Variants in NALF1 observed in about 807,000 individuals in gnomAD.
NALF1 encodes NALCN channel auxiliary factor 1, also known as family with sequence similarity 155 member A.
Under a neutral mutation model 48.4 loss-of-function variants are expected in NALF1, and 3 were observed. The ratio of observed to expected loss-of-function variants is 0.06; its 90% confidence interval spans 0.03 to 0.16. NALF1 has a LOEUF of 0.16. Ranked by LOEUF, NALF1 falls within the 10% of genes least tolerant of loss-of-function variation. The probability of loss-of-function intolerance (pLI) is 1.00; values close to 1 mark genes in which losing one functional copy is unlikely to be tolerated. For synonymous variants in NALF1, 262 were observed against 245.7 expected (o/e 1.07, Z -0.62); for missense variants, 526 against 571.5 (o/e 0.92, Z 0.81).
At chr13:107,586,516 A>G (rs1878461044) in intron 1 of NALF1, among the ~76,000 whole-genome samples, 1 of 147,134 alleles carries the variant, frequency 6.8e-6, no homozygotes, top group Admixed American at 6.8e-5. Context: ...CTATTTAAAT[A>G]AATCATTGTA....
intron 1 of NALF1, among the ~76,000 whole-genome samples, chr13:107,730,506 C>T (rs901611735): frequency 8.5e-5 from 13 of 152,258 alleles, no homozygotes; most frequent in Admixed American, 3.9e-4. Context: ...CTGTGTTCAT[C>T]GATTTAATTT....
intron 1 of NALF1, among the ~76,000 whole-genome samples, chr13:107,702,690 C>T (rs1169294403): frequency 6.6e-6 from 1 of 152,124 alleles, no homozygotes; most frequent in Non-Finnish European, 1.5e-5. Context: ...TGATGCTCTC[C>T]CTCCTCCCAT....
intron 1 of NALF1, among the ~76,000 whole-genome samples, chr13:107,818,826 C>T (rs530317376): frequency 3.1e-5 from 4 of 129,036 alleles, no homozygotes; most frequent in Admixed American, 8.1e-5. Context: ...GAGCCGAGAT[C>T]GCGCCACTGC....
intron 1 of NALF1, among the ~76,000 whole-genome samples, chr13:107,730,985 C>T (rs552641093): frequency 2.0e-5 from 3 of 152,242 alleles, no homozygotes; most frequent in Admixed American, 6.5e-5. Flanking sequence ...CTGGGTGCTA[C>T]GGGAATGTCG....
intron 1 of NALF1, among the ~76,000 whole-genome samples, chr13:107,405,781 C>T (rs1883888377): frequency 6.6e-6 from 1 of 151,860 alleles, no homozygotes; most frequent in African/African-American, 2.4e-5. Flanking sequence ...AAAAAAACTA[C>T]AGAATGGAGG....
In NALF1 at chr13:107,488,413, C is replaced by G. The variant is rs1478379166; in HGVS notation, c.916-277658G>C. On this transcript the variant is annotated intron_variant, in intron 1 of 2. Coordinates refer to ENST00000375915, the MANE Select transcript of NALF1 (RefSeq NM_001080396.3). ...TAACTTTTTGATGTGGGCATTAATG[C>G]TATACATCTCCCCCTTAATACTGTC... Among the ~76,000 whole-genome samples the G allele has an allele frequency of 2.0e-5, 3 of 152,024 alleles. No individual in the cohort carries two copies. In the East Asian group the frequency reaches 5.8e-4, roughly 30 times the overall value.
At chr13:107,298,344 T>C (rs1881764904) in intron 1 of NALF1, among the ~76,000 whole-genome samples, 1 of 56,334 alleles carries the variant, frequency 1.8e-5, no homozygotes, top group African/African-American at 8.2e-5. Flanking sequence ...AGAGAGAGAC[T>C]CCATCTCAAA....
At chr13:107,640,853 G>T (rs1311548290) in intron 1 of NALF1, among the ~76,000 whole-genome samples, 2 of 152,110 alleles carry the variant, frequency 1.3e-5, no homozygotes, top group East Asian at 3.9e-4. Context: ...CCAGTATGAG[G>T]CCCTATGGCA....
intron 1 of NALF1, among the ~76,000 whole-genome samples, chr13:107,753,541 C>T (rs1470509756): frequency 6.7e-6 from 1 of 149,520 alleles, no homozygotes; most frequent in African/African-American, 2.5e-5. Context: ...AAATACAAAG[C>T]GATGTTTGCA....
chr13:107,479,383 C>T (rs547296570), intron 1 of NALF1, among the ~76,000 whole-genome samples: 2 of 151,982 alleles, frequency 1.3e-5, no homozygotes, highest in South Asian at 2.1e-4. Context: ...GTTAAAAATG[C>T]CAATCTTATA....
chr13:107,469,706 C>T (rs1173876336), intron 1 of NALF1, among the ~76,000 whole-genome samples: 4 of 147,628 alleles, frequency 2.7e-5, no homozygotes, highest in African/African-American at 5.0e-5. Context: ...ATGTAGAACC[C>T]GTAAATGCGA....
rs150714288 is a variant in NALF1 at position 107,336,313 on chromosome 13, A to C, written c.916-125558T>G. ...GGTTGCAGTGAGCTGAGATCATGCC[A>C]CTGCACTCCAGCCTAGGTGATAGAG... On this transcript the variant is annotated intron_variant, in intron 1 of 2. Coordinates refer to ENST00000375915, the MANE Select transcript of NALF1 (RefSeq NM_001080396.3). 3.3e-3 allele frequency among the ~76,000 whole-genome samples: 497 copies of C among 152,052 alleles called. 1 individual carries two copies. Among genetic ancestry groups the C allele is most frequent in the African/African-American group, 0.012 (479 of 41,452 alleles).
intron 1 of NALF1, among the ~76,000 whole-genome samples, chr13:107,805,309 T>G (rs1041765102): frequency 1.3e-5 from 2 of 152,194 alleles, no homozygotes; most frequent in African/African-American, 4.8e-5. Flanking sequence ...AATTTGCATA[T>G]ATATCATCAA....
chr13:107,353,543 T>C, intron 1 of NALF1, among the ~76,000 whole-genome samples: 1 of 152,228 alleles, frequency 6.6e-6, no homozygotes, highest in East Asian at 1.9e-4. Flanking sequence ...GAAGTACATG[T>C]GCTTCATAAT....
intron 1 of NALF1, among the ~76,000 whole-genome samples, chr13:107,763,451 CTG>C: frequency 6.9e-6 from 1 of 144,288 alleles, no homozygotes; most frequent in Non-Finnish European, 1.5e-5. Flanking sequence ...ATCTATACCA[CTG>C]TGTTTCATAT....
chr13:107,597,410 G>A (rs143611980), intron 1 of NALF1, among the ~76,000 whole-genome samples: 120 of 152,174 alleles, frequency 7.9e-4, no homozygotes, highest in African/African-American at 2.8e-3. Flanking sequence ...GTTCTCCTAT[G>A]TAGTATTTCA....
intron 1 of NALF1, among the ~76,000 whole-genome samples, chr13:107,261,576 G>A (rs911237724): frequency 8.5e-5 from 13 of 152,136 alleles, no homozygotes; most frequent in African/African-American, 3.1e-4. Flanking sequence ...ACTACTGCTG[G>A]GGAGTCTGGA....
chr13:107,369,200 A>G (rs1883205739), intron 1 of NALF1, among the ~76,000 whole-genome samples: 1 of 152,150 alleles, frequency 6.6e-6, no homozygotes, highest in African/African-American at 2.4e-5. Context: ...TCCTCATCTG[A>G]GTGTGGTTCC....
In NALF1 at chr13:107,406,921, C is replaced by T. The variant is rs1379055665; in HGVS notation, c.916-196166G>A. On this transcript the variant is annotated intron_variant, in intron 1 of 2. Coordinates refer to ENST00000375915, the MANE Select transcript of NALF1 (RefSeq NM_001080396.3). Reference sequence around the variant, plus strand: ...CATGGGACTGGTATGAAAACAGACACATATATCAGTGAAATAGAATAGTGA... The same window carrying T: ...CATGGGACTGGTATGAAAACAGACATATATATCAGTGAAATAGAATAGTGA... Among the ~76,000 whole-genome samples the T allele has an allele frequency of 2.0e-5, 3 of 151,950 alleles. No homozygotes were observed. The East Asian group carries it at 5.8e-4, about 29-fold the overall frequency.
Sources: allele counts gnomAD v4.1 joint callset (sites outside exome capture counted in the v4.1 genomes callset), GRCh38; gene constraint gnomAD v4.1.1; transcripts MANE v1.5; gene names NCBI Gene and HGNC (gene_info 2026-07-23, HGNC 2026-07-21).